TRIM41: variants seen among roughly 807,000 people sequenced by gnomAD.
The protein encoded by TRIM41 is E3 ubiquitin-protein ligase TRIM41.
In TRIM41, 21 loss-of-function variants were observed where a neutral mutation model predicts 60.6. The observed-to-expected ratio is 0.35, with a 90% CI of 0.25 to 0.50. The LOEUF (loss-of-function observed/expected upper bound fraction) is 0.50. TRIM41 is among the 20% of genes least tolerant of loss of function. The probability of loss-of-function intolerance (pLI) is 0.98; values close to 1 mark genes in which losing one functional copy is unlikely to be tolerated. For synonymous variants in TRIM41, 407 were observed against 344.9 expected, an observed-to-expected ratio of 1.18 and a Z score of -2.00; for missense variants, 846 against 868.3, an observed-to-expected ratio of 0.97 and a Z score of 0.32.
In TRIM41 at chr5:181,223,818, T is replaced by G; in HGVS notation, c.-182T>G. The G allele has an allele frequency of 6.3e-6, 4 of 635,766 alleles. No individual in the cohort carries two copies. The highest frequency in any genetic ancestry group is 1.9e-5 in the South Asian group (1 of 52,174). 39.4% of individuals were successfully genotyped at this position (635,766 alleles called of 1,614,324 possible). A position where few individuals can be genotyped will look rare whatever the true frequency, so the allele number is the denominator to read the frequency against. ...TCCCCTCGTAGAGACACGGTTGTCG[T>G]TTGGGAGTAGGGAACACTGTGTTGG... On this transcript the variant is annotated 5_prime_UTR_variant, in exon 1 of 6. Coordinates refer to ENST00000315073, the MANE Select transcript of TRIM41 (RefSeq NM_033549.5).
At position 181,233,751 on chromosome 5, in the gene TRIM41, C is replaced by G. The variant is rs1411147138; in HGVS notation, c.1279C>G (p.Gln427Glu). Residue 427 changes from glutamine to glutamate, a missense_variant, in exon 5 of 6, where the codon CAG (glutamine) becomes GAG (glutamate). Transcript: ENST00000315073. This position sits in a 1 kb window ranked among gnomAD's most constrained non-coding sequence, Gnocchi z 4.1. ...GAGGAAAATGAGCCGGATGTTCTGT[C>G]AGGCTGCGAGAGGTAGGGAGGTCAC... Reference protein sequence around the residue: ...IVRKMSRMFCQAARVDLTLDP... With the variant: ...IVRKMSRMFCEAARVDLTLDP... 1.9e-6 allele frequency: 3 copies of G among 1,614,076 alleles called. No homozygotes were observed. Among genetic ancestry groups the G allele is most frequent in the Admixed American group, 3.3e-5 (2 of 60,000 alleles).
chr5:181,233,677 CT>C lies in TRIM41; in HGVS notation c.1206del (p.Asp403ThrfsTer11). 1.2e-6 allele frequency: 2 copies of C among 1,614,232 alleles called. No homozygotes were observed. The highest frequency in any genetic ancestry group is 1.7e-6 in the Non-Finnish European group (2 of 1,180,044). On this transcript the variant is annotated frameshift_variant, in exon 5 of 6. Coordinates refer to ENST00000315073, the MANE Select transcript of TRIM41 (RefSeq NM_033549.5). LOFTEE classifies it high-confidence loss of function. This position sits in a 1 kb window ranked among gnomAD's most constrained non-coding sequence, Gnocchi z 4.1. ...VQLQPPEVWS[P>X]DPCQPHSHDF... ...CTGCAGCCCCCAGAGGTCTGGTCCC[CT>C]GACCCGTGCCAACCCCATAGCCATG...
chr5:181,230,085 A>AGG (rs1012693748), intron 1 of TRIM41: 1 of 152,200 alleles, frequency 6.6e-6, no homozygotes, highest in African/African-American at 2.4e-5. Flanking sequence ...GTGAAGGGGA[A>AGG]GGGGACCAAA....
intron 2 of TRIM41, chr5:181,232,004 A>T (rs1279107882): frequency 1.3e-5 from 2 of 152,250 alleles, no homozygotes; most frequent in East Asian, 3.8e-4. Flanking sequence ...AATACTTACT[A>T]TCTGGACCTT....
chr5:181,223,484 A>G lies in TRIM41; in HGVS notation c.-516A>G, dbSNP rs888489748. The G allele has an allele frequency of 1.1e-4, 45 of 402,416 alleles. 1 individual carries two copies. The East Asian group carries it at 1.4e-3, about 13-fold the overall frequency. 24.9% of individuals were successfully genotyped at this position (402,416 alleles called of 1,614,324 possible). A position where few individuals can be genotyped will look rare whatever the true frequency, so the allele number is the denominator to read the frequency against. On this transcript the variant is annotated 5_prime_UTR_variant, in exon 1 of 6. Transcript: ENST00000315073. ...TGCGTTCCCCGCGGCCTCTTACCAC[A>G]GAGACGCGGGCCTCCACCGTCCTAG...
chr5:181,234,615 G>A lies in TRIM41; in HGVS notation c.1733G>A (p.Arg578His), dbSNP rs532938397. 2.2e-5 allele frequency: 36 copies of A among 1,614,090 alleles called. No individual in the cohort carries two copies. The highest frequency in any genetic ancestry group is 8.8e-5 in the South Asian group (8 of 91,086). Reference sequence around the variant, plus strand: ...CTGAGCCCCAGTGAGAAACCAAGGCGCTTTGGTGTGTACCTGGACTATGAA... The same window carrying A: ...CTGAGCCCCAGTGAGAAACCAAGGCACTTTGGTGTGTACCTGGACTATGAA... Reference protein sequence around the residue: ...TLLSPSEKPRRFGVYLDYEAG... With the variant: ...TLLSPSEKPRHFGVYLDYEAG... The change falls in exon 6 of 6, where the codon CGC becomes CAC. Residue 578 changes from arginine to histidine, a missense_variant. Arg to His is a conservative substitution (Grantham distance 29). Transcript: ENST00000315073. The surrounding 1 kb of genome is among the most constrained non-coding windows in gnomAD (Gnocchi z 5.6).
chr5:181,235,216 C>A lies in TRIM41; in HGVS notation c.*441C>A. On this transcript the variant is annotated 3_prime_UTR_variant, in exon 6 of 6. Transcript: ENST00000315073. ...CCCATTCCAATTCCATTTTCTGATG[C>A]AGATTTTAGCTGAGGGATTTGGAAG... The A allele has an allele frequency of 6.4e-7, 1 of 1,564,446 alleles. No homozygotes were observed. Among genetic ancestry groups the A allele is most frequent in the South Asian group, 1.2e-5 (1 of 85,896 alleles).
intron 1 of TRIM41, chr5:181,228,980 G>T (rs1465330433): frequency 6.7e-6 from 1 of 149,504 alleles, no homozygotes; most frequent in Non-Finnish European, 1.5e-5. Flanking sequence ...AAATTTAAGC[G>T]TTATAAATTC....
chr5:181,225,684 A>G (rs1406267432), intron 1 of TRIM41: 1 of 152,182 alleles, frequency 6.6e-6, no homozygotes, highest in Non-Finnish European at 1.5e-5. Context: ...CAACGCCACC[A>G]CCATTTGGAT....
At position 181,233,965 on chromosome 5, in the gene TRIM41, GC is replaced by G; in HGVS notation, c.1291+203del. Reference sequence around the variant, plus strand: ...CTGGAGGGTGGGGTGGGGTGGAGTGGCAGGAAGAGCCAGGCTGGGGGAAGAC... The same window carrying G: ...CTGGAGGGTGGGGTGGGGTGGAGTGGAGGAAGAGCCAGGCTGGGGGAAGAC... On this transcript the variant is annotated intron_variant, in intron 5 of 5. Transcript: ENST00000315073. This position sits in a 1 kb window ranked among gnomAD's most constrained non-coding sequence, Gnocchi z 4.1. 1 of 1,159,160 alleles carries G rather than the reference GC, an allele frequency of 8.6e-7. No individual in the cohort carries two copies. The highest frequency in any genetic ancestry group is 1.5e-5 in the South Asian group (1 of 68,734). 71.8% of individuals were successfully genotyped at this position (1,159,160 alleles called of 1,614,324 possible).
In TRIM41 at chr5:181,224,297, G is replaced by C. The variant is rs768638929; in HGVS notation, c.298G>C (p.Glu100Gln). The C allele has an allele frequency of 5.6e-6, 9 of 1,613,972 alleles. No individual in the cohort carries two copies. The Admixed American group carries it at 1.2e-4, about 21-fold the overall frequency. The change falls in exon 1 of 6, where the codon GAG becomes CAG. Residue 100 changes from glutamate to glutamine, a missense_variant. Physicochemically the swap from Glu to Gln is conservative, Grantham distance 29 (BLOSUM62 2). Coordinates refer to ENST00000315073, the MANE Select transcript of TRIM41 (RefSeq NM_033549.5). ...DYEGDMEEEV[E>Q]EEEEGVFWTS... ...CGAGGGTGACATGGAGGAGGAGGTC[G>C]AGGAGGAAGAAGAGGGTGTGTTCTG...
At position 181,235,040 on chromosome 5, in the gene TRIM41, C is replaced by T. The variant is rs1307552529; in HGVS notation, c.*265C>T. On this transcript the variant is annotated 3_prime_UTR_variant, in exon 6 of 6. Transcript: ENST00000315073. ...AATGAGAACAGCTGCCTGGTCTTCT[C>T]TCCCAGTCTGCCTAGCCCAGCCCTG... 1 of 1,613,960 alleles carries T rather than the reference C, an allele frequency of 6.2e-7. No homozygotes were observed. Among genetic ancestry groups the T allele is most frequent in the East Asian group, 2.2e-5 (1 of 44,888 alleles).
rs184241416 is a variant in TRIM41 at position 181,225,956 on chromosome 5, C to G, written c.813+1144C>G. 58 of 152,300 alleles carry G rather than the reference C, an allele frequency of 3.8e-4. 1 individual carries two copies. Among genetic ancestry groups the G allele is most frequent in the African/African-American group, 1.3e-3 (55 of 41,548 alleles). 9.4% of individuals were successfully genotyped at this position (152,300 alleles called of 1,614,324 possible). On this transcript the variant is annotated intron_variant, in intron 1 of 5. Coordinates refer to ENST00000315073, the MANE Select transcript of TRIM41 (RefSeq NM_033549.5). ...ATAACTCATGTTTTCAGACCTTCTC[C>G]TGATTCCTGCTATAACTTCATTTAG... is the stretch of plus-strand genomic sequence containing the variant.
At chr5:181,230,687 G>C in intron 1 of TRIM41, 57 bp from the exon 2 acceptor site, 7 of 1,435,232 alleles carry the variant, frequency 4.9e-6, no homozygotes, top group Non-Finnish European at 9.7e-7. Context: ...TGCAGAGGTA[G>C]GCTCTGAAGG....
At chr5:181,230,964 G>C (rs1391270410) in intron 2 of TRIM41, 125 bp downstream of exon 2, 4 of 794,478 alleles carry the variant, frequency 5.0e-6, no homozygotes, top group Non-Finnish European at 8.7e-6. Flanking sequence ...TGGGAGAGGG[G>C]TAGATGCTTT....
At position 181,235,064 on chromosome 5, in the gene TRIM41, T is replaced by C; in HGVS notation, c.*289T>C. 6.2e-7 allele frequency: 1 copy of C among 1,612,026 alleles called. No homozygotes were observed. On this transcript the variant is annotated 3_prime_UTR_variant, in exon 6 of 6. Transcript: ENST00000315073. Reference sequence around the variant, plus strand: ...TCTCCCAGTCTGCCTAGCCCAGCCCTGGGACTGGAATTTGAGTAGGGGATG... The same window carrying C: ...TCTCCCAGTCTGCCTAGCCCAGCCCCGGGACTGGAATTTGAGTAGGGGATG...
Position 181,234,157 on chromosome 5 carries a change from C to G in TRIM41, c.1292-17C>G, listed in dbSNP as rs749421255. Reference sequence around the variant, plus strand: ...GCCGTTCCAGCCCTGGCGTATTTGTCCTCCCTCCCTCCCAAGTGGACCTGA... The same window carrying G: ...GCCGTTCCAGCCCTGGCGTATTTGTGCTCCCTCCCTCCCAAGTGGACCTGA... On this transcript the variant is annotated splice_polypyrimidine_tract_variant and intron_variant, in intron 5 of 5. Coordinates refer to ENST00000315073, the MANE Select transcript of TRIM41 (RefSeq NM_033549.5). The surrounding 1 kb of genome is among the most constrained non-coding windows in gnomAD (Gnocchi z 5.6). 2.0e-5 allele frequency: 32 copies of G among 1,606,306 alleles called. No homozygotes were observed. Among genetic ancestry groups the G allele is most frequent in the Non-Finnish European group, 2.7e-5 (32 of 1,179,838 alleles).
chr5:181,234,860 G>C lies in TRIM41; in HGVS notation c.*85G>C. 1.2e-6 allele frequency: 2 copies of C among 1,610,518 alleles called. No homozygotes were observed. Among genetic ancestry groups the C allele is most frequent in the Non-Finnish European group, 1.7e-6 (2 of 1,179,182 alleles). On this transcript the variant is annotated 3_prime_UTR_variant, in exon 6 of 6. Coordinates refer to ENST00000315073, the MANE Select transcript of TRIM41 (RefSeq NM_033549.5). This position sits in a 1 kb window ranked among gnomAD's most constrained non-coding sequence, Gnocchi z 5.6. ...GGCCCGTAAGTTTGAGGGCTCAAAG[G>C]CTCTTCCCACTGCTTGTTACTGTGT...
Position 181,235,194 on chromosome 5 carries a change from A to ATTCCAATTCCATTTTCTGAT in TRIM41, c.*420_*439dup. ...AGGGTTTGGGCAAGGCAACATCCCC[A>ATTCCAATTCCATTTTCTGAT]TTCCAATTCCATTTTCTGATGCAGA... On this transcript the variant is annotated 3_prime_UTR_variant, in exon 6 of 6. Transcript: ENST00000315073. The ATTCCAATTCCATTTTCTGAT allele has an allele frequency of 6.5e-7, 1 of 1,543,614 alleles. No individual in the cohort carries two copies.
Sources: gnomAD v4.1 joint callset for allele counts on GRCh38, gnomAD v4.1.1 for gene constraint, Gnocchi (gnomAD v3.1) non-coding constraint, MANE v1.5 for transcripts, NCBI Gene and HGNC (gene_info 2026-07-23, HGNC 2026-07-21) for gene names.